TMTC1: variants seen among roughly 807,000 people sequenced by gnomAD.
TMTC1 encodes the protein transmembrane O-mannosyltransferase targeting cadherins 1.
A neutral mutation model predicts 104.8 loss-of-function variants in TMTC1; 73 were observed. The ratio of observed to expected loss-of-function variants is 0.70; its 90% CI spans 0.58 to 0.85. The LOEUF is 0.85. Among genes scored for constraint, TMTC1 ranks in the 40% least tolerant of loss-of-function variants. The pLI is 0.00. For missense variants in TMTC1, 1,035 were observed against 1,096.1 expected, an observed-to-expected ratio of 0.94 and a Z score of 0.79; for synonymous variants, 434 against 428.7, an observed-to-expected ratio of 1.01 and a Z score of -0.15.
intron 8 of TMTC1, among the ~76,000 whole-genome samples, chr12:29,581,964 C>G (rs1421117314): frequency 6.6e-6 from 1 of 151,812 alleles, no homozygotes; most frequent in East Asian, 1.9e-4. Flanking sequence ...TTTTGCAGAT[C>G]TGTGTGGAAA....
At chr12:29,732,006 T>C (rs573846735) in intron 5 of TMTC1, among the ~76,000 whole-genome samples, 5 of 152,324 alleles carry the variant, frequency 3.3e-5, no homozygotes, top group African/African-American at 1.2e-4. Flanking sequence ...TTTCCTGAAA[T>C]TAGTCAATTA....
rs942448876 is a variant in TMTC1, at chr12:29,633,072, G to A, written c.1128+75C>T. On this transcript the variant is annotated intron_variant, in intron 6 of 17. Transcript: ENST00000539277. Reference sequence around the variant, plus strand: ...GATTCAATTTACACCCAGACCATCCGCACTAAAAAGAACATTATAGGCATA... The same window carrying A: ...GATTCAATTTACACCCAGACCATCCACACTAAAAAGAACATTATAGGCATA... 7.7e-5 allele frequency: 104 copies of A among 1,348,758 alleles called. No individual in the cohort carries two copies. In the African/African-American group the frequency reaches 9.7e-4, roughly 13 times the overall value. 83.5% of individuals were successfully genotyped at this position (1,348,758 alleles called of 1,614,324 possible). A position where few individuals can be genotyped will look rare whatever the true frequency, so the allele number is the denominator to read the frequency against.
intron 5 of TMTC1, among the ~76,000 whole-genome samples, chr12:29,716,307 C>T (rs1942079891): frequency 6.6e-6 from 1 of 152,012 alleles, no homozygotes; most frequent in African/African-American, 2.4e-5. Flanking sequence ...CGGGTATGAG[C>T]CACTACACCC....
chr12:29,639,684 T>C (rs189319939), intron 5 of TMTC1, among the ~76,000 whole-genome samples: 1 of 152,342 alleles, frequency 6.6e-6, no homozygotes, highest in African/African-American at 2.4e-5. Flanking sequence ...AGAAGATTGT[T>C]CATAGCAGGA....
chr12:29,654,676 C>T (rs984131968), intron 5 of TMTC1, among the ~76,000 whole-genome samples: 3 of 149,936 alleles, frequency 2.0e-5, no homozygotes, highest in South Asian at 4.2e-4. Context: ...CACCATTATT[C>T]GTAATAGCCA....
At chr12:29,521,646 C>A (rs1028762048) in intron 11 of TMTC1, among the ~76,000 whole-genome samples, 2 of 145,842 alleles carry the variant, frequency 1.4e-5, no homozygotes, top group Admixed American at 1.4e-4. Context: ...CGGCTCACTG[C>A]AACTCCTGCC....
chr12:29,774,931 G>A (rs1943673809), intron 1 of TMTC1, among the ~76,000 whole-genome samples: 1 of 152,186 alleles, frequency 6.6e-6, no homozygotes, highest in South Asian at 2.1e-4. Context: ...TTGAGTTCAA[G>A]GCATCACATC....
Position 29,783,667 on chromosome 12 carries a change from C to A in TMTC1, c.85G>T (p.Ala29Ser), listed in dbSNP as rs757483614. Residue 29 changes from alanine (A) to serine (S), a missense_variant, in exon 1 of 18, where the codon GCC becomes TCC. Physicochemically the swap from Ala to Ser is moderately conservative, Grantham distance 99 (BLOSUM62 1). Coordinates refer to ENST00000539277, the MANE Select transcript of TMTC1 (RefSeq NM_001193451.2). This position sits in a 1 kb window ranked among gnomAD's most constrained non-coding sequence, Gnocchi z 4.7. The stretch of plus-strand genomic sequence containing the variant: ...CTTGCCCCGGCCAGCAGCGCCGCGG[C>A]CCCGGCCGGCGCTAGCCCGCAGCCC... ...RRGCGLAPAG[A>S]AALLAGASCL... is the part of the protein sequence containing the mutation. 2.2e-6 allele frequency: 3 copies of A among 1,340,832 alleles called. No individual in the cohort carries two copies. The highest frequency in any genetic ancestry group is 1.5e-5 in the African/African-American group (1 of 66,038). 83.1% of individuals were successfully genotyped at this position (1,340,832 alleles called of 1,614,324 possible). A position where few individuals can be genotyped will look rare whatever the true frequency, so the allele number is the denominator to read the frequency against.
At chr12:29,517,958 G>T (rs1251727209) in intron 13 of TMTC1, among the ~76,000 whole-genome samples, 1 of 152,068 alleles carries the variant, frequency 6.6e-6, no homozygotes, top group Non-Finnish European at 1.5e-5. Flanking sequence ...CAGGTGATTC[G>T]ACCATCTTGG....
chr12:29,683,207 A>G (rs528942579), intron 5 of TMTC1, among the ~76,000 whole-genome samples: 22 of 152,264 alleles, frequency 1.4e-4, no homozygotes, highest in Middle Eastern at 3.4e-3. Context: ...GAATTACCAG[A>G]ACTCCTGGCT....
intron 1 of TMTC1, among the ~76,000 whole-genome samples, chr12:29,781,073 T>G (rs1289762065): frequency 1.3e-5 from 2 of 152,066 alleles, no homozygotes; most frequent in Non-Finnish European, 2.9e-5. Context: ...TGTACCATCC[T>G]GTAGAGTTGT....
At chr12:29,582,307 C>A (rs1946003910) in intron 8 of TMTC1, among the ~76,000 whole-genome samples, 1 of 152,194 alleles carries the variant, frequency 6.6e-6, no homozygotes, top group Admixed American at 6.5e-5. Flanking sequence ...CTGGGAACTT[C>A]CCTCTTGCCT....
chr12:29,773,734 C>T (rs918075426), intron 1 of TMTC1, among the ~76,000 whole-genome samples: 1 of 152,124 alleles, frequency 6.6e-6, no homozygotes, highest in East Asian at 1.9e-4. Flanking sequence ...CGCTGCAGGT[C>T]AAAACATTCT....
intron 6 of TMTC1, among the ~76,000 whole-genome samples, chr12:29,607,109 C>T (rs892188483): frequency 6.6e-6 from 1 of 152,190 alleles, no homozygotes; most frequent in African/African-American, 2.4e-5. Context: ...CATGGAAAAG[C>T]CACAGGGCTG....
chr12:29,642,935 A>C (rs1165007855), intron 5 of TMTC1, among the ~76,000 whole-genome samples: 3 of 150,556 alleles, frequency 2.0e-5, no homozygotes, highest in Non-Finnish European at 4.4e-5. Flanking sequence ...AAAAAAAAAA[A>C]CTCCCAAACA....
At chr12:29,665,524 C>A (rs1264273670) in intron 5 of TMTC1, among the ~76,000 whole-genome samples, 2 of 152,148 alleles carry the variant, frequency 1.3e-5, no homozygotes, top group Non-Finnish European at 2.9e-5. Context: ...ATCAGAACAA[C>A]CAGCCAACCA....
intron 5 of TMTC1, among the ~76,000 whole-genome samples, chr12:29,687,619 T>C (rs1297210170): frequency 6.6e-6 from 1 of 152,204 alleles, no homozygotes; most frequent in South Asian, 2.1e-4. Flanking sequence ...TGTCCTGGAG[T>C]TGTCAAAAAG....
chr12:29,712,141 T>G (rs995942623), intron 5 of TMTC1, among the ~76,000 whole-genome samples: 1 of 151,908 alleles, frequency 6.6e-6, no homozygotes, highest in Non-Finnish European at 1.5e-5. Flanking sequence ...ACATCCGATG[T>G]GGAAGAAAGT....
intron 10 of TMTC1, among the ~76,000 whole-genome samples, chr12:29,542,752 A>G (rs1412405498): frequency 6.6e-6 from 1 of 152,148 alleles, no homozygotes; most frequent in Admixed American, 6.5e-5. Flanking sequence ...AATCTGACCA[A>G]AAGAGAAAGG....
Sources: gnomAD v4.1 joint callset for allele counts (sites outside exome capture counted in the v4.1 genomes callset) on GRCh38, gnomAD v4.1.1 for gene constraint, Gnocchi (gnomAD v3.1) non-coding constraint, MANE v1.5 for transcripts, NCBI Gene and HGNC (gene_info 2026-07-23, HGNC 2026-07-21) for gene names.